The following RIF1 variants were observed in gnomAD, a reference collection of about 807,000 sequenced individuals.
RIF1 encodes replication timing regulatory factor 1.
In RIF1, 45 loss-of-function variants were observed where a neutral mutation model predicts 247.1. The ratio of observed to expected loss-of-function variants is 0.18; its 90% CI spans 0.14 to 0.23. The LOEUF is 0.23. Ranked by LOEUF, RIF1 falls within the 10% of genes least tolerant of loss-of-function variation. The pLI is 1.00. For synonymous variants in RIF1, 1,087 were observed against 978.8 expected (o/e 1.11, Z -2.06); for missense variants, 2,967 against 2,862.5 (o/e 1.04, Z -0.83).
Position 151,481,599 on chromosome 2 carries a change from A to G in RIF1, c.*6528A>G, listed in dbSNP as rs1246530027. The G allele has an allele frequency of 6.6e-6, 1 of 152,216 alleles. No homozygotes were observed. Among genetic ancestry groups the G allele is most frequent in the East Asian group, 1.9e-4 (1 of 5,198 alleles). The allele number at this position is 152,216 out of a possible 1,614,324, so 9.4% of individuals were successfully genotyped here. A position where few individuals can be genotyped will look rare whatever the true frequency, so the allele number is the denominator to read the frequency against. On this transcript the variant is annotated 3_prime_UTR_variant, in exon 36 of 36. Coordinates refer to ENST00000444746, the MANE Select transcript of RIF1 (RefSeq NM_018151.5). The stretch of plus-strand genomic sequence containing the variant: ...AAGAGAGCTTAGTTTTACATTCACA[A>G]AGTATTTGTATTTGATAAGTCTTAA...
chr2:151,519,324 C>T, the RIF1 span, among the ~76,000 whole-genome samples: 1 of 152,162 alleles, frequency 6.6e-6, no homozygotes, highest in Non-Finnish European at 1.5e-5. Flanking sequence ...ATATATCCTA[C>T]AACATGGATG....
intron 20 of RIF1, among the ~76,000 whole-genome samples, chr2:151,450,741 G>T (rs1210645828): frequency 1.3e-5 from 2 of 151,944 alleles, no homozygotes; most frequent in African/African-American, 4.8e-5. Context: ...TCACCACCAC[G>T]CCTGGCTAAT....
intron 8 of RIF1, among the ~76,000 whole-genome samples, chr2:151,425,681 T>TTG (rs1558946343): frequency 6.8e-6 from 1 of 146,806 alleles, no homozygotes; most frequent in Non-Finnish European, 1.5e-5. Context: ...TTTTTTTTTT[T>TTG]TGTGAGACAG....
chr2:151,447,751 G>T (rs957310550), intron 20 of RIF1, among the ~76,000 whole-genome samples: 4 of 152,114 alleles, frequency 2.6e-5, no homozygotes, highest in Non-Finnish European at 4.4e-5. Context: ...CACCATGTTG[G>T]CCAGGCTGGT....
In RIF1 at chr2:151,443,516, A is replaced by T; in HGVS notation, c.1806-13A>T. 1 of 1,543,600 alleles carries T rather than the reference A, an allele frequency of 6.5e-7. No homozygotes were observed. The highest frequency in any genetic ancestry group is 1.7e-4 in the Middle Eastern group (1 of 5,750). Reference sequence around the variant, plus strand: ...CCAAAAAGTTGATGCATTTTTTATAATTTTTTGTTCAGGTTCTTTCTCAGT... The same window carrying T: ...CCAAAAAGTTGATGCATTTTTTATATTTTTTTGTTCAGGTTCTTTCTCAGT... On this transcript the variant is annotated splice_polypyrimidine_tract_variant and intron_variant, in intron 17 of 35. Transcript: ENST00000444746.
At chr2:151,529,344 AT>A in the RIF1 span, 3 of 1,396,906 alleles carry the variant, frequency 2.1e-6, no homozygotes, top group Non-Finnish European at 3.1e-6. Context: ...GACAAGATTA[AT>A]TTTTTTATAG....
chr2:151,518,894 T>C, the RIF1 span: 1 of 1,006,102 alleles, frequency 9.9e-7, no homozygotes, highest in Non-Finnish European at 1.6e-6. Context: ...AGAAGATGCA[T>C]CTGGGCTCAG....
At position 151,477,209 on chromosome 2, in the gene RIF1, C is replaced by T. The variant is rs1479506498; in HGVS notation, c.*2138C>T. 6.6e-6 allele frequency: 1 copy of T among 152,234 alleles called. No homozygotes were observed. The highest frequency in any genetic ancestry group is 2.4e-5 in the African/African-American group (1 of 41,550). The allele number at this position is 152,234 out of a possible 1,614,324, so 9.4% of individuals were successfully genotyped here. A position where few individuals can be genotyped will look rare whatever the true frequency, so the allele number is the denominator to read the frequency against. On this transcript the variant is annotated 3_prime_UTR_variant, in exon 36 of 36. Transcript: ENST00000444746. Reference sequence around the variant, plus strand: ...CCTTAAAGTTTCCTGCAAATTTCCCCCTTAGTAATTCCCGAATAGCAAAAC... The same window carrying T: ...CCTTAAAGTTTCCTGCAAATTTCCCTCTTAGTAATTCCCGAATAGCAAAAC...
chr2:151,473,528 C>T (rs1341428112), intron 34 of RIF1, among the ~76,000 whole-genome samples: 1 of 151,986 alleles, frequency 6.6e-6, no homozygotes, highest in Non-Finnish European at 1.5e-5. Context: ...GATCTACCCA[C>T]CTTGGCCTCC....
At chr2:151,523,950 T>A in the RIF1 span, among the ~76,000 whole-genome samples, 1 of 152,320 alleles carries the variant, frequency 6.6e-6, no homozygotes, top group Non-Finnish European at 1.5e-5. Context: ...TTGCTCTTCA[T>A]GTTAAATCTA....
At chr2:151,435,388 TTTATA>T in intron 10 of RIF1, 70 bp from the exon 11 acceptor site, 3 of 829,574 alleles carry the variant, frequency 3.6e-6, no homozygotes, top group Non-Finnish European at 6.0e-6. Context: ...TTTAATGAAA[TTTATA>T]TTATGTGAGG....
intron 20 of RIF1, among the ~76,000 whole-genome samples, chr2:151,450,602 T>A (rs1484182474): frequency 6.6e-6 from 1 of 152,138 alleles, no homozygotes; most frequent in Non-Finnish European, 1.5e-5. Flanking sequence ...TTCTTTTTTT[T>A]TTTGACGGAG....
At chr2:151,462,608 T>C (rs1313201448) in intron 29 of RIF1, 142 bp downstream of exon 29, 4 of 608,010 alleles carry the variant, frequency 6.6e-6, no homozygotes, top group Non-Finnish European at 1.1e-5. Flanking sequence ...TCCTTTTAAC[T>C]CCCATTCAGA....
chr2:151,524,274 C>A, the RIF1 span: 4 of 1,549,470 alleles, frequency 2.6e-6, no homozygotes, highest in Admixed American at 1.7e-5. Flanking sequence ...TTATAATCTC[C>A]TCACATGAGA....
intron 12 of RIF1, chr2:151,506,124 G>T: frequency 6.7e-7 from 1 of 1,493,940 alleles, no homozygotes; most frequent in Non-Finnish European, 9.3e-7. Flanking sequence ...AATTATCAAA[G>T]GGAGGCAGAA....
chr2:151,440,046 A>G lies in RIF1; in HGVS notation c.1566A>G (p.Pro522=). The change falls in exon 15 of 36, where the codon CCA becomes CCG. Residue 522 remains proline (P), a synonymous_variant. Coordinates refer to ENST00000444746, the MANE Select transcript of RIF1 (RefSeq NM_018151.5). ...TGATAGGTAACAAAAAAGAGAAACC[A>G]GGTTCTGAAGTTTTGACTCTCTTAT... ...VTESGNKKEK[P]GSEVLTLLLK... 1 of 1,570,420 alleles carries G rather than the reference A, an allele frequency of 6.4e-7. No individual in the cohort carries two copies. The highest frequency in any genetic ancestry group is 8.7e-7 in the Non-Finnish European group (1 of 1,151,048).
Position 151,420,340 on chromosome 2 carries a change from G to A in RIF1, c.654G>A (p.Gln218=), listed in dbSNP as rs774669725. ...EMGMPLLLQK[Q]QEIASITEQL... ...GAATGCCATTATTGCTTCAGAAACA[G>A]CAAGAAATAGCATCTATTACGGAGC... Residue 218 remains glutamine (Q), a synonymous_variant, in exon 7 of 36, where the codon CAG becomes CAA. Coordinates refer to ENST00000444746, the MANE Select transcript of RIF1 (RefSeq NM_018151.5). 5 of 1,614,120 alleles carry A rather than the reference G, an allele frequency of 3.1e-6. No individual in the cohort carries two copies. In the Middle Eastern group the frequency reaches 4.9e-4, roughly 160 times the overall value.
exon 12 of RIF1, chr2:151,503,040 T>C: frequency 5.0e-6 from 3 of 600,856 alleles, no homozygotes; most frequent in Non-Finnish European, 8.7e-6. Flanking sequence ...ACAGTTTTAA[T>C]GATGAACTCT....
intron 2 of RIF1, 142 bp from the exon 3 acceptor site, chr2:151,411,118 T>A (rs1200261719): frequency 6.6e-6 from 4 of 604,714 alleles, no homozygotes; most frequent in Admixed American, 6.3e-5. Context: ...ATATTCTGTA[T>A]ACCCTTAAGG....
Sources: gnomAD v4.1 joint callset for allele counts (sites outside exome capture counted in the v4.1 genomes callset) on GRCh38, gnomAD v4.1.1 for gene constraint, MANE v1.5 for transcripts, NCBI Gene and HGNC (gene_info 2026-07-23, HGNC 2026-07-21) for gene names.